POLR1B: variants seen among roughly 807,000 people sequenced by gnomAD.
POLR1B encodes DNA-directed RNA polymerase I subunit RPA2.
In POLR1B, 30 loss-of-function variants were observed where a neutral mutation model predicts 105.8. The ratio of observed to expected loss-of-function variants is 0.28; its 90% CI spans 0.21 to 0.38. POLR1B has a LOEUF of 0.38. Among genes scored for constraint, POLR1B ranks in the 10% least tolerant of loss-of-function variants. The pLI is 1.00. For synonymous variants in POLR1B, 485 were observed against 505.1 expected, an observed-to-expected ratio of 0.96 and a Z score of 0.53; for missense variants, 976 against 1,435.8, an observed-to-expected ratio of 0.68 and a Z score of 5.17.
Position 112,558,014 on chromosome 2 carries a change from A to T in POLR1B, c.1263A>T (p.Thr421=). The T allele has an allele frequency of 7.0e-7, 1 of 1,429,886 alleles. No homozygotes were observed. Among genetic ancestry groups the T allele is most frequent in the African/African-American group, 1.4e-5 (1 of 69,068 alleles). 88.6% of individuals were successfully genotyped at this position (1,429,886 alleles called of 1,614,324 possible). ...CTGACAATTTGATGAGGATTTTTAC[A>T]ATGGGCATAGACCTTACAAAACCAT... The part of the protein sequence containing the change: ...MNTDNLMRIF[T]MGIDLTKPFE... Residue 421 remains threonine, a synonymous_variant, in exon 8 of 15, where the codon ACA becomes ACT. Transcript: ENST00000263331.
Position 112,542,614 on chromosome 2 carries a change from G to T in POLR1B, c.120G>T (p.Arg40=), listed in dbSNP as rs371552579. The change falls in exon 1 of 15, where the codon CGG becomes CGT. Residue 40 remains arginine (R), a synonymous_variant. Transcript: ENST00000263331. ...AGGCAGCGTTGCAGGAGCTGACGCG[G>T]GCGCACGTGGAGTCCTTCAACTACG... ...QQKAALQELT[R]AHVESFNYAV... 1 of 1,614,144 alleles carries T rather than the reference G, an allele frequency of 6.2e-7. No individual in the cohort carries two copies. The highest frequency in any genetic ancestry group is 1.3e-5 in the African/African-American group (1 of 75,074).
At chr2:112,542,243 A>T, upstream of POLR1B, 1 of 1,535,246 alleles carries the variant, frequency 6.5e-7, no homozygotes, top group Non-Finnish European at 8.7e-7. Flanking sequence ...GTGGGGCGGA[A>T]TATGGGAGAA....
chr2:112,542,494 C>T lies in POLR1B; in HGVS notation c.-1C>T, dbSNP rs1289375313. The T allele has an allele frequency of 6.2e-7, 1 of 1,613,722 alleles. No individual in the cohort carries two copies. Among genetic ancestry groups the T allele is most frequent in the East Asian group, 2.2e-5 (1 of 44,870 alleles). On this transcript the variant is annotated 5_prime_UTR_variant, in exon 1 of 15. Coordinates refer to ENST00000263331, the MANE Select transcript of POLR1B (RefSeq NM_019014.6). ...CTGGCGTCCGGTGTGCAGGTGGCCA[C>T]ATGGATCCTGGCAGCCGGTGGCGGA... is the stretch of plus-strand genomic sequence containing the variant.
Position 112,578,647 on chromosome 2 carries a change from A to C in POLR1B, c.*2918A>C, listed in dbSNP as rs1286264222. On this transcript the variant is annotated 3_prime_UTR_variant, in exon 15 of 15. Coordinates refer to ENST00000263331, the MANE Select transcript of POLR1B (RefSeq NM_019014.6). ...AAAGCTGATCTGAACAATCAGGTAT[A>C]ATAGTCCCCCTTTATCTTTGAAGAT... 6.6e-6 allele frequency among the ~76,000 whole-genome samples: 1 copy of C among 152,208 alleles called. No individual in the cohort carries two copies. The highest frequency in any genetic ancestry group is 2.1e-4 in the South Asian group (1 of 4,832).
In POLR1B at chr2:112,573,959, G is replaced by A. The variant is rs554897925; in HGVS notation, c.2525+144G>A. The A allele has an allele frequency of 3.0e-4, 294 of 991,670 alleles. No individual in the cohort carries two copies. The African/African-American group carries it at 4.3e-3, about 14-fold the overall frequency. 61.4% of individuals were successfully genotyped at this position (991,670 alleles called of 1,614,324 possible). A position where few individuals can be genotyped will look rare whatever the true frequency, so the allele number is the denominator to read the frequency against. ...CCTCCCGGGCTCAAGCAATCCTCTC[G>A]CCTCAGCCTTTGAGTAGCTGGGACT... On this transcript the variant is annotated intron_variant, in intron 14 of 14. Transcript: ENST00000263331.
Position 112,547,075 on chromosome 2 carries a change from G to A in POLR1B, c.241G>A (p.Val81Ile), listed in dbSNP as rs374525549. ...ERISFTILDA[V>I]ISPPTVPKGT... The stretch of plus-strand genomic sequence containing the variant: ...TATCTCTTTTACTATTCTGGATGCT[G>A]TTATCAGTCCACCTACAGTTCCAAA... The change falls in exon 2 of 15, where the codon GTT becomes ATT. Residue 81 changes from valine to isoleucine, a missense_variant. Val to Ile is a conservative substitution (Grantham distance 29). Transcript: ENST00000263331. The A allele has an allele frequency of 7.4e-6, 12 of 1,614,166 alleles. No homozygotes were observed. Among genetic ancestry groups the A allele is most frequent in the South Asian group, 5.5e-5 (5 of 91,082 alleles).
At chr2:112,572,922 C>G (rs1353639837) in intron 13 of POLR1B, among the ~76,000 whole-genome samples, 164 bp downstream of exon 13, 1 of 152,148 alleles carries the variant, frequency 6.6e-6, no homozygotes, top group Non-Finnish European at 1.5e-5. Flanking sequence ...AGTGGGCAAG[C>G]CTTGAGGAAT....
Position 112,575,141 on chromosome 2 carries a change from G to T in POLR1B, c.2820G>T (p.Leu940Phe). The T allele has an allele frequency of 6.2e-7, 1 of 1,614,118 alleles. No homozygotes were observed. The highest frequency in any genetic ancestry group is 1.3e-5 in the African/African-American group (1 of 75,012). Reference sequence around the variant, plus strand: ...GTATGGCCGGGAAGTCTGCAGCTTTGCATGGTCTCTGCCATGATGCTACAC... The same window carrying T: ...GTATGGCCGGGAAGTCTGCAGCTTTTCATGGTCTCTGCCATGATGCTACAC... Reference protein sequence around the residue: ...IESMAGKSAALHGLCHDATPF... With the variant: ...IESMAGKSAAFHGLCHDATPF... Residue 940 changes from leucine to phenylalanine, a missense_variant, in exon 15 of 15, where the codon TTG becomes TTT. By Grantham distance (22) the Leu-to-Phe change is conservative. Around this residue, in one of 12 missense-constraint regions of POLR1B, gnomAD observed 35 missense variants for 102.5 expected, o/e 0.34. Transcript: ENST00000263331. The surrounding 1 kb of genome is among the most constrained non-coding windows in gnomAD (Gnocchi z 5.3).
intron 10 of POLR1B, 144 bp downstream of exon 10, chr2:112,564,643 C>A: frequency 8.8e-7 from 1 of 1,141,098 alleles, no homozygotes; most frequent in Non-Finnish European, 1.3e-6. Context: ...TGCATTCCCT[C>A]TGGTGACAGA....
intron 4 of POLR1B, 47 bp downstream of exon 4, chr2:112,549,446 CTT>C (rs376484413): frequency 1.9e-3 from 1,976 of 1,029,722 alleles, no homozygotes; most frequent in South Asian, 4.0e-3. Flanking sequence ...AAATTTAAAA[CTT>C]TTTTTTTTTT....
At chr2:112,547,368 C>A in intron 2 of POLR1B, 53 bp from the exon 3 acceptor site, 2 of 1,565,258 alleles carry the variant, frequency 1.3e-6, no homozygotes, top group Non-Finnish European at 8.7e-7. Flanking sequence ...CTCATTTGTT[C>A]TCGTAAATGC....
rs1455647223 is a variant in POLR1B, at chr2:112,578,308, A to C, written c.*2579A>C. On this transcript the variant is annotated 3_prime_UTR_variant, in exon 15 of 15. Transcript: ENST00000263331. ...TTCCGTCATCACAGAGCTCTGCCAT[A>C]CTATCCTTTTATAGCCATCTCTACC... is the stretch of plus-strand genomic sequence containing the variant. Among the ~76,000 whole-genome samples, 2 of 152,118 alleles carry C rather than the reference A, an allele frequency of 1.3e-5. No individual in the cohort carries two copies. Among genetic ancestry groups the C allele is most frequent in the Non-Finnish European group, 2.9e-5 (2 of 68,014 alleles).
chr2:112,574,046 T>C (rs1045533973), intron 14 of POLR1B, among the ~76,000 whole-genome samples: 3 of 152,096 alleles, frequency 2.0e-5, no homozygotes, highest in Admixed American at 6.5e-5. Context: ...GGTTTCACCA[T>C]GTTGCCCAGG....
chr2:112,550,902 C>T lies in POLR1B; in HGVS notation c.662C>T (p.Ala221Val). ...SMHCVREEHS[A>V]VNMNLHYLEN... The stretch of plus-strand genomic sequence containing the variant: ...CACTGTGTGAGGGAAGAACATTCCG[C>T]TGTCAATATGAACCTCCACTACTTG... The change falls in exon 5 of 15, where the codon GCT becomes GTT. Residue 221 changes from alanine to valine, a missense_variant. Physicochemically the swap from Ala to Val is moderately conservative, Grantham distance 64 (BLOSUM62 0). Around this residue, in one of 12 missense-constraint regions of POLR1B, gnomAD observed 452 missense variants for 616.5 expected, o/e 0.73. Coordinates refer to ENST00000263331, the MANE Select transcript of POLR1B (RefSeq NM_019014.6). 6.2e-7 allele frequency: 1 copy of T among 1,614,034 alleles called. No homozygotes were observed. Among genetic ancestry groups the T allele is most frequent in the Non-Finnish European group, 8.5e-7 (1 of 1,179,918 alleles).
chr2:112,554,918 C>G (rs1351535190), intron 7 of POLR1B, among the ~76,000 whole-genome samples: 1 of 152,032 alleles, frequency 6.6e-6, no homozygotes, highest in South Asian at 2.1e-4. Context: ...TGGTGGCTCA[C>G]GCCTATAATC....
In POLR1B at chr2:112,573,750, G is replaced by A. The variant is rs1248476026; in HGVS notation, c.2460G>A (p.Gln820=). The A allele has an allele frequency of 6.2e-7, 1 of 1,614,250 alleles. No individual in the cohort carries two copies. The highest frequency in any genetic ancestry group is 1.1e-5 in the South Asian group (1 of 91,088). ...TGCCGTTTATAGGAGCAAAACTGCA[G>A]TACGGAGATCCGTATTACAGCTACC... is the stretch of plus-strand genomic sequence containing the variant. ...DGLPFIGAKL[Q]YGDPYYSYLN... Residue 820 remains glutamine, a synonymous_variant, in exon 14 of 15, where the codon CAG becomes CAA. Coordinates refer to ENST00000263331, the MANE Select transcript of POLR1B (RefSeq NM_019014.6).
At chr2:112,566,104 T>G (rs1440706101) in intron 10 of POLR1B, among the ~76,000 whole-genome samples, 3 of 152,190 alleles carry the variant, frequency 2.0e-5, no homozygotes, top group Non-Finnish European at 4.4e-5. Context: ...TCCACCCGCC[T>G]TGGCCTCCCG....
intron 8 of POLR1B, among the ~76,000 whole-genome samples, chr2:112,558,506 G>T (rs898589361): frequency 6.6e-6 from 1 of 152,166 alleles, no homozygotes; most frequent in Non-Finnish European, 1.5e-5. Context: ...CAAGGCTGCA[G>T]TGAGCTGTGA....
intron 12 of POLR1B, among the ~76,000 whole-genome samples, chr2:112,570,205 T>C (rs1298256082): frequency 6.6e-6 from 1 of 151,836 alleles, no homozygotes; most frequent in Non-Finnish European, 1.5e-5. Flanking sequence ...CACACCACCA[T>C]GCCCAGCTAA....
Sources: allele counts gnomAD v4.1 joint callset (sites outside exome capture counted in the v4.1 genomes callset), GRCh38; gene constraint gnomAD v4.1.1; regional missense constraint gnomAD v4.1.1; non-coding constraint Gnocchi (gnomAD v3.1); transcripts MANE v1.5; gene names NCBI Gene and HGNC (gene_info 2026-07-23, HGNC 2026-07-21).